Variants in GALNT17 observed in about 807,000 individuals in gnomAD.
GALNT17 encodes the protein polypeptide N-acetylgalactosaminyltransferase 17.
GALNT17 carries 29 observed loss-of-function variants against 63.7 expected under a neutral mutation model. The ratio of observed to expected loss-of-function variants is 0.46; its 90% CI spans 0.34 to 0.62. GALNT17 has a LOEUF of 0.62. Ranked by LOEUF, GALNT17 falls within the 20% of genes least tolerant of loss-of-function variation. The pLI is 0.01. For missense variants in GALNT17, 603 were observed against 799.6 expected (o/e 0.75, Z 2.97); for synonymous variants, 305 against 318.3 (o/e 0.96, Z 0.45).
chr7:71,368,891 C>T (rs1481705021), intron 2 of GALNT17, among the ~76,000 whole-genome samples: 1 of 144,806 alleles, frequency 6.9e-6, no homozygotes, highest in Non-Finnish European at 1.5e-5. Context: ...AGCATTGAGG[C>T]GTATCTATAC....
intron 3 of GALNT17, among the ~76,000 whole-genome samples, chr7:71,402,125 T>C (rs1254763987): frequency 6.6e-6 from 1 of 152,216 alleles, no homozygotes; most frequent in African/African-American, 2.4e-5. Context: ...ATTCAGGGTT[T>C]TCATTGTGAG....
chr7:71,458,903 G>A (rs73365671), intron 5 of GALNT17, among the ~76,000 whole-genome samples: 2,143 of 152,142 alleles, frequency 0.014, 52 homozygotes, highest in African/African-American at 0.049. Context: ...GGGGCGTGGC[G>A]GGCCAAAAGG....
chr7:71,662,761 C>A (rs1790927708), intron 6 of GALNT17, among the ~76,000 whole-genome samples: 1 of 152,176 alleles, frequency 6.6e-6, no homozygotes, highest in Non-Finnish European at 1.5e-5. Context: ...TTTATTTATG[C>A]ATTAATCAAT....
At chr7:71,681,271 C>T (rs1189081179) in intron 9 of GALNT17, among the ~76,000 whole-genome samples, 1 of 152,168 alleles carries the variant, frequency 6.6e-6, no homozygotes, top group Non-Finnish European at 1.5e-5. Context: ...GGACTTGATC[C>T]AGAGGATGTC....
chr7:71,320,795 C>T (rs1791591999), intron 1 of GALNT17, among the ~76,000 whole-genome samples: 1 of 151,970 alleles, frequency 6.6e-6, no homozygotes, highest in Admixed American at 6.6e-5. Flanking sequence ...TAGGGTGATC[C>T]GTTTTTGTTC....
rs183457992 is a variant in GALNT17 at position 71,664,209 on chromosome 7, A to G, written c.1081-1202A>G. Among the ~76,000 whole-genome samples the G allele has an allele frequency of 7.2e-5, 11 of 152,224 alleles. No homozygotes were observed. In the East Asian group the frequency reaches 2.1e-3, roughly 29 times the overall value. ...GCCATCATTGCAACTTTCTTTCTGA[A>G]TAGTTCAGTAATAGCAAGCGACAGC... On this transcript the variant is annotated intron_variant, in intron 6 of 10. Coordinates refer to ENST00000333538, the MANE Select transcript of GALNT17 (RefSeq NM_022479.3).
intron 1 of GALNT17, among the ~76,000 whole-genome samples, chr7:71,237,368 AGGAAGATGTCT>A (rs1789912135): frequency 6.6e-6 from 1 of 152,002 alleles, no homozygotes; most frequent in Non-Finnish European, 1.5e-5. Context: ...GGGACGGAAC[AGGAAGATGTCT>A]GGAATAAGGG....
At chr7:71,467,318 C>G (rs1400892904) in intron 5 of GALNT17, among the ~76,000 whole-genome samples, 1 of 152,168 alleles carries the variant, frequency 6.6e-6, no homozygotes, top group Non-Finnish European at 1.5e-5. Flanking sequence ...CATTTTCATG[C>G]AATGTATACC....
chr7:71,231,722 G>A (rs2116446350), intron 1 of GALNT17, among the ~76,000 whole-genome samples: 1 of 151,092 alleles, frequency 6.6e-6, no homozygotes, highest in East Asian at 2.0e-4. Flanking sequence ...AGGGGAGTGG[G>A]GGAGGGAGAG....
intron 5 of GALNT17, among the ~76,000 whole-genome samples, chr7:71,460,338 T>G (rs1787431493): frequency 6.6e-6 from 1 of 152,138 alleles, no homozygotes; most frequent in Non-Finnish European, 1.5e-5. Context: ...CTAAATAAAA[T>G]TTTTGGTGAA....
chr7:71,425,513 CGCCTG>C, intron 5 of GALNT17, among the ~76,000 whole-genome samples: 1 of 152,272 alleles, frequency 6.6e-6, no homozygotes, highest in South Asian at 2.1e-4. Flanking sequence ...TGAGCCACTG[CGCCTG>C]GCCCAGAATT....
chr7:71,160,874 G>C (rs561125124), intron 1 of GALNT17, among the ~76,000 whole-genome samples: 1 of 152,090 alleles, frequency 6.6e-6, no homozygotes, highest in Non-Finnish European at 1.5e-5. Context: ...GTCTCACTCC[G>C]TTGCCCAGGC....
At chr7:71,291,647 G>T (rs977457585) in intron 1 of GALNT17, among the ~76,000 whole-genome samples, 1 of 151,998 alleles carries the variant, frequency 6.6e-6, no homozygotes, top group Admixed American at 6.6e-5. Flanking sequence ...TTTAGGAGAG[G>T]GGTTGATTTT....
At chr7:71,316,051 C>T (rs778549057) in intron 1 of GALNT17, among the ~76,000 whole-genome samples, 8 of 152,126 alleles carry the variant, frequency 5.3e-5, no homozygotes, top group Non-Finnish European at 8.8e-5. Context: ...ATGCAACAAG[C>T]AAGCATTGGG....
chr7:71,274,061 G>A lies in GALNT17; in HGVS notation c.239-61489G>A, dbSNP rs552046210. Among the ~76,000 whole-genome samples, 27 of 152,338 alleles carry A rather than the reference G, an allele frequency of 1.8e-4. No individual in the cohort carries two copies. The South Asian group carries it at 5.0e-3, about 28-fold the overall frequency. On this transcript the variant is annotated intron_variant, in intron 1 of 10. Coordinates refer to ENST00000333538, the MANE Select transcript of GALNT17 (RefSeq NM_022479.3). ...TACTATGCTGGTAAACCAGCCCTCT[G>A]GGTAGGGCGAGGGCATATGTTCGGT...
intron 4 of GALNT17, among the ~76,000 whole-genome samples, chr7:71,418,443 C>T (rs944328632): frequency 6.6e-6 from 1 of 152,190 alleles, no homozygotes; most frequent in Non-Finnish European, 1.5e-5. Context: ...GTCTGCATGG[C>T]ACGTCAGCTG....
At chr7:71,701,818 C>T (rs1385689699) in intron 9 of GALNT17, among the ~76,000 whole-genome samples, 91 of 6,288 alleles carry the variant, frequency 0.014, no homozygotes, top group Non-Finnish European at 0.037. Flanking sequence ...TATATATACA[C>T]ATATATATAC....
chr7:71,540,902 C>T (rs1788878784), intron 5 of GALNT17, among the ~76,000 whole-genome samples: 1 of 152,054 alleles, frequency 6.6e-6, no homozygotes, highest in Admixed American at 6.6e-5. Flanking sequence ...TCTGTGCTTG[C>T]CTGCCCTGGA....
rs5884850 is a variant in GALNT17 at position 71,647,229 on chromosome 7, A to ATTTTTTTTTT, written c.1081-18180_1081-18171dup. On this transcript the variant is annotated intron_variant, in intron 6 of 10. Coordinates refer to ENST00000333538, the MANE Select transcript of GALNT17 (RefSeq NM_022479.3). ...CAGGTGCCCACCACTGTGCCCAGCT[A>ATTTTTTTTTT]TTTTTTTTTTTGTATTTTTAGTAGA... is the stretch of plus-strand genomic sequence containing the variant. Among the ~76,000 whole-genome samples, 609 of 137,516 alleles carry ATTTTTTTTTT rather than the reference A, an allele frequency of 4.4e-3. 23 individuals carry two copies. Among genetic ancestry groups the ATTTTTTTTTT allele is most frequent in the African/African-American group, 0.017 (561 of 32,146 alleles). 90.2% of individuals were successfully genotyped at this position (137,516 alleles called of 152,430 possible). A position where few individuals can be genotyped will look rare whatever the true frequency, so the allele number is the denominator to read the frequency against.
Sources: allele counts gnomAD v4.1 joint callset (sites outside exome capture counted in the v4.1 genomes callset), GRCh38; gene constraint gnomAD v4.1.1; transcripts MANE v1.5; gene names NCBI Gene and HGNC (gene_info 2026-07-23, HGNC 2026-07-21).